Variants in LINGO2 observed in about 807,000 individuals in gnomAD.
LINGO2 encodes leucine-rich repeat and immunoglobulin-like domain-containing nogo receptor-interacting protein 2.
A neutral mutation model predicts 30.6 loss-of-function variants in LINGO2; 14 were observed. That is an observed-to-expected ratio of 0.46 (90% CI 0.30 to 0.72). The LOEUF (loss-of-function observed/expected upper bound fraction) is 0.72, where lower values mean the gene tolerates loss of function less well. LINGO2 is among the 30% of genes least tolerant of loss of function. LINGO2 has a pLI of 0.07. For synonymous variants in LINGO2, 317 were observed against 288.5 expected (o/e 1.10, Z -1.00); for missense variants, 729 against 751.7 (o/e 0.97, Z 0.35).
chr9:28,802,868 G>A, the LINGO2 span, among the ~76,000 whole-genome samples: 2 of 151,948 alleles, frequency 1.3e-5, no homozygotes, highest in Admixed American at 6.6e-5. Flanking sequence ...GTCCCCAAAC[G>A]AGAAAGCTAA....
chr9:28,959,643 C>G, the LINGO2 span, among the ~76,000 whole-genome samples: 10,967 of 150,312 alleles, frequency 0.073, 426 homozygotes, highest in East Asian at 0.11. Context: ...CACACACACA[C>G]ACAGAGAACA....
chr9:28,860,194 A>T, the LINGO2 span, among the ~76,000 whole-genome samples: 3 of 152,134 alleles, frequency 2.0e-5, no homozygotes, highest in Admixed American at 2.0e-4. Context: ...TACCATTTTT[A>T]CTGTGAAGAT....
At chr9:28,547,831 C>T (rs1448590906) in intron 1 of LINGO2, among the ~76,000 whole-genome samples, 1 of 152,018 alleles carries the variant, frequency 6.6e-6, no homozygotes, top group East Asian at 1.9e-4. Context: ...AAAGCTGAAA[C>T]CAATGTCTTC....
chr9:28,901,007 A>G, the LINGO2 span, among the ~76,000 whole-genome samples: 3 of 152,204 alleles, frequency 2.0e-5, no homozygotes, highest in Non-Finnish European at 2.9e-5. Flanking sequence ...AAACTAGAGG[A>G]AGATATATTA....
the LINGO2 span, among the ~76,000 whole-genome samples, chr9:29,154,319 G>A: frequency 1.4e-4 from 21 of 151,894 alleles, no homozygotes; most frequent in South Asian, 2.1e-3. Flanking sequence ...GCGTGGTGGC[G>A]GGCGCCTGTA....
Position 28,329,425 on chromosome 9 carries a change from A to G in LINGO2, c.-245-34059T>C, listed in dbSNP as rs1825341496. ...GGGCTTGGGCTAATAAGGTAGGGGC[A>G]CACACCACGCTGTCTCTTCGGCCAA... is the stretch of plus-strand genomic sequence containing the variant. On this transcript the variant is annotated intron_variant, in intron 3 of 5. Coordinates refer to ENST00000379992, the Ensembl canonical transcript of LINGO2. This position sits in a 1 kb window ranked among gnomAD's most constrained non-coding sequence, Gnocchi z 4.5. 6.6e-6 allele frequency among the ~76,000 whole-genome samples: 1 copy of G among 152,116 alleles called. No individual in the cohort carries two copies. Among genetic ancestry groups the G allele is most frequent in the South Asian group, 2.1e-4 (1 of 4,824 alleles).
chr9:28,596,830 G>C (rs1272952349), intron 1 of LINGO2, among the ~76,000 whole-genome samples: 1 of 152,144 alleles, frequency 6.6e-6, no homozygotes, highest in South Asian at 2.1e-4. Context: ...AACAAAGCAA[G>C]TTCTGCTCTT....
chr9:29,050,607 T>C, the LINGO2 span, among the ~76,000 whole-genome samples: 2 of 152,208 alleles, frequency 1.3e-5, no homozygotes, highest in Non-Finnish European at 2.9e-5. Context: ...ATTGTGGATG[T>C]TTGTGTCTAT....
At chr9:29,058,680 A>G in the LINGO2 span, among the ~76,000 whole-genome samples, 3 of 151,962 alleles carry the variant, frequency 2.0e-5, no homozygotes, top group African/African-American at 7.2e-5. Context: ...CTGAAAATAA[A>G]GACAAAACTA....
the LINGO2 span, among the ~76,000 whole-genome samples, chr9:29,017,268 TA>T: frequency 2.0e-5 from 3 of 151,984 alleles, no homozygotes; most frequent in Non-Finnish European, 4.4e-5. Context: ...AAAATCCATA[TA>T]AACAATGAAG....
chr9:29,210,574 G>A, the LINGO2 span, among the ~76,000 whole-genome samples: 1 of 152,002 alleles, frequency 6.6e-6, no homozygotes, highest in African/African-American at 2.4e-5. Context: ...TCCACACAGA[G>A]CATCATCCAC....
chr9:28,120,294 C>A (rs1348007940), intron 4 of LINGO2, among the ~76,000 whole-genome samples: 1 of 152,206 alleles, frequency 6.6e-6, no homozygotes, highest in Admixed American at 6.5e-5. Flanking sequence ...ACGCCTGTCA[C>A]AATAGATGGG....
At chr9:28,281,679 GCAGCTCATA>G (rs1160692383) in intron 4 of LINGO2, among the ~76,000 whole-genome samples, 5 of 152,018 alleles carry the variant, frequency 3.3e-5, no homozygotes, top group Non-Finnish European at 7.4e-5. Context: ...GATGTGGATA[GCAGCTCATA>G]CAAGGATAGG....
the LINGO2 span, among the ~76,000 whole-genome samples, chr9:29,170,693 A>T: frequency 2.0e-4 from 31 of 152,300 alleles, no homozygotes; most frequent in African/African-American, 7.2e-4. Flanking sequence ...AGAGAGAATT[A>T]CTATTCATGA....
intron 1 of LINGO2, among the ~76,000 whole-genome samples, chr9:28,613,659 G>A (rs1178671347): frequency 1.3e-5 from 2 of 152,118 alleles, no homozygotes; most frequent in African/African-American, 4.8e-5. Flanking sequence ...TGGTGGGAAG[G>A]TAGTGGGAAT....
At chr9:28,582,084 C>T (rs1824285717) in intron 1 of LINGO2, among the ~76,000 whole-genome samples, 1 of 151,852 alleles carries the variant, frequency 6.6e-6, no homozygotes, top group Non-Finnish European at 1.5e-5. Context: ...ATCAGGCTAC[C>T]TTAAATATCC....
intron 2 of LINGO2, among the ~76,000 whole-genome samples, chr9:28,413,360 T>C (rs963065058): frequency 6.6e-6 from 1 of 152,158 alleles, no homozygotes; most frequent in Non-Finnish European, 1.5e-5. Flanking sequence ...TTTTCACATG[T>C]AGGTCTTTAT....
At chr9:28,086,665 A>T (rs1825924752) in intron 4 of LINGO2, among the ~76,000 whole-genome samples, 3 of 151,922 alleles carry the variant, frequency 2.0e-5, no homozygotes, top group Admixed American at 2.0e-4. Context: ...TTTAAAGAAA[A>T]AAAAACATGT....
At chr9:28,036,021 T>C (rs1823918279) in intron 4 of LINGO2, among the ~76,000 whole-genome samples, 1 of 152,174 alleles carries the variant, frequency 6.6e-6, no homozygotes. Context: ...GATAGGAATA[T>C]AGATTTAGCA....
Sources: gnomAD v4.1 joint callset for allele counts (sites outside exome capture counted in the v4.1 genomes callset) on GRCh38, gnomAD v4.1.1 for gene constraint, Gnocchi (gnomAD v3.1) non-coding constraint, MANE v1.5 for transcripts, NCBI Gene and HGNC (gene_info 2026-07-23, HGNC 2026-07-21) for gene names.